The following CHODL variants were observed in gnomAD, a reference collection of about 807,000 sequenced individuals.
CHODL encodes the protein transmembrane protein MT75.
CHODL carries 29 observed loss-of-function variants against 34.5 expected under a neutral mutation model. The ratio of observed to expected loss-of-function variants is 0.84; its 90% confidence interval spans 0.63 to 1.15. The LOEUF (loss-of-function observed/expected upper bound fraction) is 1.15. Among genes scored for constraint, CHODL ranks in the 50% most tolerant of loss-of-function variants. The pLI is 0.00. For missense variants in CHODL, 332 were observed against 332.5 expected, an observed-to-expected ratio of 1.00 and a Z score of 0.01; for synonymous variants, 125 against 116.1, an observed-to-expected ratio of 1.08 and a Z score of -0.49.
At chr21:18,123,889 T>C (rs2065510342) in intron 2 of CHODL, among the ~76,000 whole-genome samples, 1 of 152,086 alleles carries the variant, frequency 6.6e-6, no homozygotes, top group Non-Finnish European at 1.5e-5. Context: ...CTTTTGATAC[T>C]ATAAAGCCTG....
intron 1 of CHODL, 95 bp downstream of exon 1, chr21:18,245,397 G>C: frequency 9.5e-7 from 1 of 1,056,538 alleles, no homozygotes; most frequent in Non-Finnish European, 1.3e-6. Context: ...TCTCCGGGGC[G>C]TTGGAAACCT....
intron 2 of CHODL, among the ~76,000 whole-genome samples, chr21:18,136,516 G>T (rs888897862): frequency 6.6e-6 from 1 of 151,990 alleles, no homozygotes; most frequent in Non-Finnish European, 1.5e-5. Context: ...CTAAAATGAG[G>T]CACCACTGAG....
intron 2 of CHODL, among the ~76,000 whole-genome samples, chr21:18,202,571 C>G (rs1029390267): frequency 6.6e-6 from 1 of 152,286 alleles, no homozygotes; most frequent in African/African-American, 2.4e-5. Context: ...TCAAATTAGT[C>G]TGCCCTTTTG....
Position 18,200,293 on chromosome 21 carries a change from G to A in CHODL, c.-44-56216G>A, listed in dbSNP as rs561248422. ...ATAGTTATATCTAAAGAATTATACT[G>A]ACAAAATGTATAAAATTTGCAATAT... On this transcript the variant is annotated intron_variant, in intron 2 of 6. Coordinates refer to the CHODL transcript ENST00000400127. Among the ~76,000 whole-genome samples, 13 of 152,164 alleles carry A rather than the reference G, an allele frequency of 8.5e-5. No homozygotes were observed. The South Asian group carries it at 2.7e-3, about 32-fold the overall frequency.
intron 2 of CHODL, among the ~76,000 whole-genome samples, chr21:18,165,046 G>C (rs2073136553): frequency 6.6e-6 from 1 of 152,096 alleles, no homozygotes. Context: ...ATTTTGGAAC[G>C]GATAGTTCTT....
intron 2 of CHODL, among the ~76,000 whole-genome samples, chr21:18,059,311 GT>G (rs2064625974): frequency 6.6e-6 from 1 of 152,112 alleles, no homozygotes; most frequent in Admixed American, 6.6e-5. Context: ...GGCTCCAGAG[GT>G]TTGGGGAAAA....
At chr21:17,957,130 T>G (rs2063498536) in intron 1 of CHODL, among the ~76,000 whole-genome samples, 1 of 152,152 alleles carries the variant, frequency 6.6e-6, no homozygotes, top group Non-Finnish European at 1.5e-5. Flanking sequence ...TGGATTTTTC[T>G]CTCTTATTCA....
At position 18,245,033 on chromosome 21, in the gene CHODL, CG is replaced by C; in HGVS notation, c.-189del. 2.0e-6 allele frequency: 1 copy of C among 488,344 alleles called. No individual in the cohort carries two copies. The highest frequency in any genetic ancestry group is 3.5e-6 in the Non-Finnish European group (1 of 283,738). The allele number at this position is 488,344 out of a possible 1,614,324, so 30.3% of individuals were successfully genotyped here. On this transcript the variant is annotated 5_prime_UTR_variant, in exon 1 of 6. Transcript: ENST00000299295. ...AACTCCAGCCCCGCACATCCACGCGCGGCACAGGCGCGGCAGGCGGCAGGTC... is the reference window on the plus strand; with the variant it reads ...AACTCCAGCCCCGCACATCCACGCGCGCACAGGCGCGGCAGGCGGCAGGTC...
intron 2 of CHODL, among the ~76,000 whole-genome samples, chr21:18,184,859 C>G (rs974183712): frequency 2.0e-5 from 3 of 152,134 alleles, no homozygotes; most frequent in Non-Finnish European, 2.9e-5. Flanking sequence ...GAGCTGCAAA[C>G]AAATGGGACC....
At chr21:18,137,622 T>A (rs1361852194) in intron 2 of CHODL, among the ~76,000 whole-genome samples, 2 of 152,186 alleles carry the variant, frequency 1.3e-5, no homozygotes, top group African/African-American at 4.8e-5. Flanking sequence ...GAAGCTAAAA[T>A]ATTCATTAAC....
At chr21:18,106,114 G>A (rs1012389622) in intron 2 of CHODL, among the ~76,000 whole-genome samples, 1 of 152,192 alleles carries the variant, frequency 6.6e-6, no homozygotes, top group Non-Finnish European at 1.5e-5. Flanking sequence ...TTAACAATGG[G>A]TTGGTAGGAC....
At chr21:18,095,160 G>C (rs369427356) in intron 2 of CHODL, among the ~76,000 whole-genome samples, 3 of 151,398 alleles carry the variant, frequency 2.0e-5, no homozygotes, top group African/African-American at 7.3e-5. Flanking sequence ...TAATAAAAGA[G>C]CATAAATAAA....
chr21:18,103,636 C>T (rs913137009), intron 2 of CHODL, among the ~76,000 whole-genome samples: 4 of 152,126 alleles, frequency 2.6e-5, no homozygotes, highest in Non-Finnish European at 2.9e-5. Context: ...GATGACTTCT[C>T]TCATGTGTCT....
chr21:17,987,061 T>C (rs1030181597), intron 1 of CHODL, among the ~76,000 whole-genome samples: 15 of 152,148 alleles, frequency 9.9e-5, no homozygotes, highest in Admixed American at 9.8e-4. Flanking sequence ...AAAAGAAAAG[T>C]TAATTTTTTC....
intron 1 of CHODL, among the ~76,000 whole-genome samples, chr21:17,945,973 T>C (rs2063404198): frequency 6.6e-6 from 1 of 151,642 alleles, no homozygotes; most frequent in South Asian, 2.1e-4. Flanking sequence ...GAAAAAAAAG[T>C]CAACAAAGAG....
At chr21:18,265,633 C>A (rs1006170555) in intron 5 of CHODL, among the ~76,000 whole-genome samples, 2 of 152,102 alleles carry the variant, frequency 1.3e-5, no homozygotes, top group African/African-American at 4.8e-5. Flanking sequence ...AGAACTTACT[C>A]ATGTAACCAA....
chr21:18,231,924 G>T (rs929237737), intron 2 of CHODL, among the ~76,000 whole-genome samples: 17 of 152,098 alleles, frequency 1.1e-4, no homozygotes, highest in African/African-American at 3.9e-4. Flanking sequence ...ATAATAAAAT[G>T]ATGGGGAGGG....
At chr21:18,077,290 T>C (rs2064877977) in intron 2 of CHODL, among the ~76,000 whole-genome samples, 1 of 152,204 alleles carries the variant, frequency 6.6e-6, no homozygotes, top group African/African-American at 2.4e-5. Flanking sequence ...TGCAGGTGAA[T>C]GGGAATTTGC....
chr21:18,142,498 G>A (rs1021856474), intron 2 of CHODL, among the ~76,000 whole-genome samples: 3 of 152,120 alleles, frequency 2.0e-5, no homozygotes, highest in South Asian at 2.1e-4. Context: ...GAATTAGTTA[G>A]AGTCATTTTA....
Sources: allele counts gnomAD v4.1 joint callset (sites outside exome capture counted in the v4.1 genomes callset), GRCh38; gene constraint gnomAD v4.1.1; transcripts MANE v1.5; gene names NCBI Gene and HGNC (gene_info 2026-07-23, HGNC 2026-07-21).